The following RBFOX1 variants were observed in gnomAD, a reference collection of about 807,000 sequenced individuals.
RBFOX1 encodes the protein RNA binding fox-1 homolog 1, also known as RNA binding protein fox-1 homolog 1.
In RBFOX1, 8 loss-of-function variants were observed where a neutral mutation model predicts 57.7. The ratio of observed to expected loss-of-function variants is 0.14; its 90% confidence interval spans 0.08 to 0.25. The LOEUF (loss-of-function observed/expected upper bound fraction) is 0.25, where lower values mean the gene tolerates loss of function less well. RBFOX1 is among the 10% of genes least tolerant of loss of function. The pLI is 1.00. For missense variants in RBFOX1, 611 were observed against 548.5 expected, an observed-to-expected ratio of 1.11 and a Z score of -1.14; for synonymous variants, 326 against 222.4, an observed-to-expected ratio of 1.47 and a Z score of -4.15.
chr16:7,210,586 A>G (rs1346405588), intron 4 of RBFOX1, among the ~76,000 whole-genome samples: 1 of 151,014 alleles, frequency 6.6e-6, no homozygotes, highest in Non-Finnish European at 1.5e-5. Flanking sequence ...GACACTTAAG[A>G]CTGACCGTCA....
chr16:6,141,439 G>A (rs1208211600), intron 1 of RBFOX1, among the ~76,000 whole-genome samples: 1 of 151,984 alleles, frequency 6.6e-6, no homozygotes, highest in Non-Finnish European at 1.5e-5. Flanking sequence ...ATCTGTTAGG[G>A]ACCACACTCA....
At chr16:6,549,834 A>C (rs1436448249) in intron 2 of RBFOX1, among the ~76,000 whole-genome samples, 2 of 152,106 alleles carry the variant, frequency 1.3e-5, no homozygotes, top group Non-Finnish European at 2.9e-5. Context: ...GGTCGATCCT[A>C]AAACAAAAGG....
chr16:7,450,253 G>T (rs1399133389), intron 4 of RBFOX1, among the ~76,000 whole-genome samples: 1 of 151,918 alleles, frequency 6.6e-6, no homozygotes, highest in Admixed American at 6.6e-5. Context: ...AATTAGCTGG[G>T]CATGGTGACA....
At chr16:6,273,910 AGGATACACAGAT>A (rs1320189492) in intron 1 of RBFOX1, among the ~76,000 whole-genome samples, 1 of 152,144 alleles carries the variant, frequency 6.6e-6, no homozygotes, top group Non-Finnish European at 1.5e-5. Flanking sequence ...TTTACTGAAG[AGGATACACAGAT>A]GGCAAGTAAG....
At chr16:6,073,231 A>G (rs955793874) in intron 1 of RBFOX1, among the ~76,000 whole-genome samples, 8 of 152,154 alleles carry the variant, frequency 5.3e-5, no homozygotes, top group African/African-American at 1.9e-4. Context: ...GAGATGAACT[A>G]CTCACAGCAT....
intron 1 of RBFOX1, among the ~76,000 whole-genome samples, chr16:6,316,670 T>C (rs1276588605): frequency 2.0e-5 from 3 of 152,144 alleles, no homozygotes. Context: ...CCAAGCTTGG[T>C]GTTGACTTGC....
chr16:6,383,270 A>G (rs1298129797), intron 2 of RBFOX1, among the ~76,000 whole-genome samples: 1 of 152,252 alleles, frequency 6.6e-6, no homozygotes, highest in Admixed American at 6.5e-5. Context: ...TTGTTAAACT[A>G]AAGCTGAACC....
chr16:6,314,463 C>A (rs139270733), intron 1 of RBFOX1, among the ~76,000 whole-genome samples: 1 of 152,130 alleles, frequency 6.6e-6, no homozygotes, highest in East Asian at 1.9e-4. Context: ...ACAGAGAGCA[C>A]GCTTGGGTAG....
chr16:6,946,558 C>T (rs1431905456), intron 3 of RBFOX1, among the ~76,000 whole-genome samples: 4 of 152,118 alleles, frequency 2.6e-5, no homozygotes, highest in Admixed American at 6.6e-5. Flanking sequence ...ATAAAAGCTT[C>T]TTGCATTTAA....
intron 3 of RBFOX1, among the ~76,000 whole-genome samples, chr16:7,036,917 TTGA>T (rs2044644394): frequency 6.6e-6 from 1 of 152,176 alleles, no homozygotes; most frequent in Non-Finnish European, 1.5e-5. Context: ...TGGTTATTTC[TTGA>T]TGACATGCTA....
At chr16:6,850,091 C>G (rs961836690) in intron 3 of RBFOX1, among the ~76,000 whole-genome samples, 6 of 152,286 alleles carry the variant, frequency 3.9e-5, no homozygotes, top group African/African-American at 1.4e-4. Flanking sequence ...TTGACATGGA[C>G]TCTTAAGTAT....
intron 3 of RBFOX1, among the ~76,000 whole-genome samples, chr16:6,905,579 G>T (rs1341685488): frequency 6.6e-6 from 1 of 150,648 alleles, no homozygotes; most frequent in African/African-American, 2.4e-5. Context: ...GTAGATGTTT[G>T]GTTACCCCTT....
chr16:6,359,343 C>A (rs2152864239), intron 2 of RBFOX1, among the ~76,000 whole-genome samples: 1 of 152,264 alleles, frequency 6.6e-6, no homozygotes, highest in South Asian at 2.1e-4. Context: ...ATCCTCCTGC[C>A]TCAGCCCCCA....
intron 4 of RBFOX1, among the ~76,000 whole-genome samples, chr16:7,230,543 C>G (rs78927219): frequency 1.6e-4 from 24 of 152,232 alleles, no homozygotes; most frequent in African/African-American, 5.5e-4. Flanking sequence ...TTCAGCCTCC[C>G]CAGTCAATGA....
intron 3 of RBFOX1, among the ~76,000 whole-genome samples, chr16:6,967,585 C>T (rs909197632): frequency 9.2e-5 from 14 of 152,128 alleles, no homozygotes; most frequent in Non-Finnish European, 1.6e-4. Flanking sequence ...ATGTCATCAG[C>T]TTCTCTAGTT....
chr16:6,891,822 A>C (rs1257881221), intron 3 of RBFOX1, among the ~76,000 whole-genome samples: 1 of 152,198 alleles, frequency 6.6e-6, no homozygotes, highest in East Asian at 1.9e-4. Flanking sequence ...AGCCTAATGT[A>C]GGGTTGGCAT....
At chr16:6,485,253 C>A (rs919081681) in intron 2 of RBFOX1, among the ~76,000 whole-genome samples, 2 of 152,268 alleles carry the variant, frequency 1.3e-5, no homozygotes, top group African/African-American at 2.4e-5. Context: ...GATGCCTCCC[C>A]TCTATTAGAA....
At chr16:5,784,864 A>C (rs539976034) in intron 3 of RBFOX1, among the ~76,000 whole-genome samples, 94 of 152,130 alleles carry the variant, frequency 6.2e-4, no homozygotes, top group African/African-American at 2.2e-3. Context: ...CAGACACTGA[A>C]TCTCCCGGTG....
intron 1 of RBFOX1, among the ~76,000 whole-genome samples, chr16:5,310,913 T>G (rs1002633451): frequency 5.9e-5 from 9 of 152,214 alleles, no homozygotes; most frequent in Non-Finnish European, 1.5e-5. Context: ...TGTGTAGAAG[T>G]GAAGTCTGAG....
Sources: gnomAD v4.1 joint callset for allele counts (sites outside exome capture counted in the v4.1 genomes callset) on GRCh38, gnomAD v4.1.1 for gene constraint, MANE v1.5 for transcripts, NCBI Gene and HGNC (gene_info 2026-07-23, HGNC 2026-07-21) for gene names.